Variants in ARHGAP9 observed in about 807,000 individuals in gnomAD.
ARHGAP9 encodes rho GTPase-activating protein 9.
Under a neutral mutation model 87.3 loss-of-function variants are expected in ARHGAP9, and 76 were observed. The ratio of observed to expected loss-of-function variants is 0.87; its 90% CI spans 0.72 to 1.05. The LOEUF (loss-of-function observed/expected upper bound fraction) is 1.05, where lower values mean the gene tolerates loss of function less well. Among genes scored for constraint, ARHGAP9 ranks in the 50% least tolerant of loss-of-function variants. ARHGAP9 has a pLI of 0.00. For synonymous variants in ARHGAP9, 382 were observed against 394.9 expected, an observed-to-expected ratio of 0.97 and a Z score of 0.39; for missense variants, 941 against 960.5, an observed-to-expected ratio of 0.98 and a Z score of 0.27.
At chr12:57,474,729 AG>A in intron 13 of ARHGAP9, 26 bp from the exon 14 acceptor site, 1 of 1,613,476 alleles carries the variant, frequency 6.2e-7, no homozygotes, top group Non-Finnish European at 8.5e-7. Context: ...GGAGTAGATA[AG>A]GACTGCTGCT....
At chr12:57,473,026 A>G (rs1872354063) in intron 17 of ARHGAP9, among the ~76,000 whole-genome samples, 1 of 152,202 alleles carries the variant, frequency 6.6e-6, no homozygotes, top group South Asian at 2.1e-4. Context: ...CAATGTCCCA[A>G]TGGGAGACAA....
chr12:57,482,683 C>T (rs915878565), upstream of ARHGAP9, among the ~76,000 whole-genome samples: 10 of 151,986 alleles, frequency 6.6e-5, no homozygotes, highest in South Asian at 4.2e-4. Context: ...CCAGCCTAGG[C>T]GACAGAGTGA....
chr12:57,479,377 G>T lies in ARHGAP9; in HGVS notation c.30C>A (p.Ser10=), dbSNP rs1364529685. MLSSRWWPS[S]WGILGLGPRS... ...GGGGGCCCAGCCCTAGGATCCCCCAGGAACTTGGCCACCACCGGCTGGATA... is the reference window on the plus strand; with the variant it reads ...GGGGGCCCAGCCCTAGGATCCCCCATGAACTTGGCCACCACCGGCTGGATA... The change falls in exon 2 of 18, where the codon TCC becomes TCA. Residue 10 remains serine, a synonymous_variant. Coordinates refer to ENST00000393791, the MANE Select transcript of ARHGAP9 (RefSeq NM_032496.4). The T allele has an allele frequency of 3.7e-6, 6 of 1,613,592 alleles. No homozygotes were observed. Among genetic ancestry groups the T allele is most frequent in the Non-Finnish European group, 4.2e-6 (5 of 1,179,874 alleles).
rs1430933509 is a variant in ARHGAP9, at chr12:57,472,455, A to G, written c.*62T>C. On this transcript the variant is annotated 3_prime_UTR_variant, in exon 18 of 18. Transcript: ENST00000393791. Reference sequence around the variant, plus strand: ...ATTTAAAGGGATATCCTCAAAACAGAACACCAGCCTCTCACCACCAGAGAT... The same window carrying G: ...ATTTAAAGGGATATCCTCAAAACAGGACACCAGCCTCTCACCACCAGAGAT... 5.1e-6 allele frequency: 8 copies of G among 1,555,158 alleles called. No homozygotes were observed. The East Asian group carries it at 9.0e-5, about 17-fold the overall frequency.
intron 1 of ARHGAP9, among the ~76,000 whole-genome samples, chr12:57,486,896 A>AAG (rs1337617144): frequency 6.6e-6 from 1 of 150,596 alleles, no homozygotes; most frequent in Non-Finnish European, 1.5e-5. Flanking sequence ...AAAGAAAAAA[A>AAG]AAAAAAAGAG....
chr12:57,477,782 C>G (rs763532090), intron 3 of ARHGAP9, 102 bp from the exon 4 acceptor site: 2 of 1,542,374 alleles, frequency 1.3e-6, no homozygotes, highest in African/African-American at 2.7e-5. Context: ...ATTGTCTTCT[C>G]ACCGCCAGCT....
In ARHGAP9 at chr12:57,475,484, G is replaced by A; in HGVS notation, c.1443C>T (p.Ser481=). ...PLLRLSSRRS[S]IRGPEGTEQN... ...CTCCCTCCCCAGCCCGCGCCTCACT[G>A]GAGCTCCGGCGGCTGCTGAGGCGCA... The change falls in exon 11 of 18, where the codon TCC becomes TCT. Residue 481 remains serine (S), a splice_region_variant and synonymous_variant. Transcript: ENST00000393791. The A allele has an allele frequency of 6.3e-7, 1 of 1,598,934 alleles. No individual in the cohort carries two copies. The highest frequency in any genetic ancestry group is 8.5e-7 in the Non-Finnish European group (1 of 1,173,906).
chr12:57,476,238 G>A, intron 8 of ARHGAP9, 72 bp from the exon 9 acceptor site: 1 of 1,485,472 alleles, frequency 6.7e-7, no homozygotes. Flanking sequence ...GGTGGGCTGT[G>A]AGGAGGTGGG....
rs1031099005 is a variant in ARHGAP9, at chr12:57,476,929, A to G, written c.905T>C (p.Leu302Pro). 1.4e-5 allele frequency: 23 copies of G among 1,613,342 alleles called. No homozygotes were observed. The highest frequency in any genetic ancestry group is 2.7e-5 in the African/African-American group (2 of 74,740). Reference protein sequence around the residue: ...SLSLSQRTSQLDPPALQAPRP... With the variant: ...SLSLSQRTSQPDPPALQAPRP... ...AGGGGCCTGCAAGGCTGGAGGGTCA[A>G]GCTGCGAGGTGCGTTGGCTGAGGCT... The change falls in exon 6 of 18, where the codon CTT becomes CCT. Residue 302 changes from leucine to proline, a missense_variant. Coordinates refer to ENST00000393791, the MANE Select transcript of ARHGAP9 (RefSeq NM_032496.4).
At chr12:57,483,472 A>T (rs912083302), upstream of ARHGAP9, among the ~76,000 whole-genome samples, 1 of 152,100 alleles carries the variant, frequency 6.6e-6, no homozygotes, top group Admixed American at 6.6e-5. Flanking sequence ...ACCTTTCTAA[A>T]ACACATATGC....
chr12:57,481,411 C>A (rs763565377), upstream of ARHGAP9, among the ~76,000 whole-genome samples: 3 of 152,058 alleles, frequency 2.0e-5, no homozygotes, highest in African/African-American at 7.2e-5. Flanking sequence ...CCACTATGCC[C>A]GCTATTTTTT....
chr12:57,479,636 T>C, intron 1 of ARHGAP9, 94 bp downstream of exon 1: 1 of 1,548,072 alleles, frequency 6.5e-7, no homozygotes, highest in Non-Finnish European at 8.7e-7. Flanking sequence ...AGTATGTAAG[T>C]AACATGAGAG....
chr12:57,488,499 G>T, intron 1 of ARHGAP9: 2 of 1,410,746 alleles, frequency 1.4e-6, no homozygotes, highest in Non-Finnish European at 2.0e-6. Context: ...CACCTATCAG[G>T]CATCCCCCTC....
chr12:57,476,819 G>C lies in ARHGAP9; in HGVS notation c.963+52C>G, dbSNP rs1415553696. On this transcript the variant is annotated intron_variant, in intron 6 of 17. Coordinates refer to ENST00000393791, the MANE Select transcript of ARHGAP9 (RefSeq NM_032496.4). The stretch of plus-strand genomic sequence containing the variant: ...ATGTTTATGTGGAGCAGGAAAAGGG[G>C]GGAGGGGGGGCAGGGAGGATCTTGG... The C allele has an allele frequency of 6.5e-6, 10 of 1,532,368 alleles. No individual in the cohort carries two copies. The Admixed American group carries it at 6.7e-5, about 10-fold the overall frequency. The allele number at this position is 1,532,368 out of a possible 1,614,324, so 94.9% of individuals were successfully genotyped here. A position where few individuals can be genotyped will look rare whatever the true frequency, so the allele number is the denominator to read the frequency against.
chr12:57,472,672 C>G lies in ARHGAP9; in HGVS notation c.2041G>C (p.Asp681His). 6.2e-7 allele frequency: 1 copy of G among 1,614,182 alleles called. No individual in the cohort carries two copies. Among genetic ancestry groups the G allele is most frequent in the South Asian group, 1.1e-5 (1 of 91,084 alleles). The change falls in exon 18 of 18, where the codon GAT becomes CAT. Residue 681 changes from aspartate to histidine, a missense_variant. Physicochemically the swap from Asp to His is moderately conservative, Grantham distance 81 (BLOSUM62 -1). Transcript: ENST00000393791. ...EHLCRVIAHS[D>H]KNRMTPHNLG... ...TTGTGGGGTGTCATGCGATTCTTAT[C>G]TGAGTGTGCTATCACCCTGTAAGCA... is the stretch of plus-strand genomic sequence containing the variant.
upstream of ARHGAP9, among the ~76,000 whole-genome samples, chr12:57,483,640 A>G (rs1483273062): frequency 6.6e-6 from 1 of 152,198 alleles, no homozygotes; most frequent in Non-Finnish European, 1.5e-5. Context: ...TTCTTTGCAT[A>G]TGTTGTTTCC....
Position 57,474,680 on chromosome 12 carries a change from G to A in ARHGAP9, c.1675C>T (p.Arg559Trp), listed in dbSNP as rs1175414813. 11 of 1,614,130 alleles carry A rather than the reference G, an allele frequency of 6.8e-6. No homozygotes were observed. The highest frequency in any genetic ancestry group is 2.2e-5 in the South Asian group (2 of 91,078). Residue 559 changes from arginine (R) to tryptophan (W), a missense_variant, in exon 14 of 18, where the codon CGG (arginine) becomes TGG (tryptophan). Arg to Trp is a moderately radical substitution (Grantham distance 101). Coordinates refer to ENST00000393791, the MANE Select transcript of ARHGAP9 (RefSeq NM_032496.4). ...ACCACTGCCAAGTTCCCGCTCACCC[G>A]ATAAATGCCATCCACATCTAGACCT... ...KRGLDVDGIY[R>W]VSGNLAVVQK...
At chr12:57,478,349 A>G in intron 3 of ARHGAP9, 191 bp downstream of exon 3, 1 of 631,352 alleles carries the variant, frequency 1.6e-6, no homozygotes, top group Non-Finnish European at 2.7e-6. Context: ...CCGTGACCTC[A>G]CAGATGTCTC....
chr12:57,477,280 G>A lies in ARHGAP9; in HGVS notation c.757-11C>T. On this transcript the variant is annotated splice_polypyrimidine_tract_variant and intron_variant, in intron 4 of 17. Transcript: ENST00000393791. ...CATGGAGCCAGGGTTCTGGGTTAGG[G>A]GAGGAGGAAATAAAGCTACATCCAG... is the stretch of plus-strand genomic sequence containing the variant. 6.5e-7 allele frequency: 1 copy of A among 1,549,994 alleles called. No individual in the cohort carries two copies.
Sources: allele counts gnomAD v4.1 joint callset (sites outside exome capture counted in the v4.1 genomes callset), GRCh38; gene constraint gnomAD v4.1.1; transcripts MANE v1.5; gene names NCBI Gene and HGNC (gene_info 2026-07-23, HGNC 2026-07-21).